Variants in BMAL1 observed in about 807,000 individuals in gnomAD.
BMAL1 encodes the protein basic helix-loop-helix ARNT-like protein 1.
chr11:13,369,559 C>G, the BMAL1 span: 3 of 1,597,078 alleles, frequency 1.9e-6, no homozygotes, highest in Non-Finnish European at 2.6e-6. Flanking sequence ...AGGTCACACT[C>G]CCCCTCCTGA....
At chr11:13,299,843 T>A in the BMAL1 span, among the ~76,000 whole-genome samples, 1 of 152,102 alleles carries the variant, frequency 6.6e-6, no homozygotes, top group African/African-American at 2.4e-5. Flanking sequence ...AGTGAGCAAA[T>A]CCCTCCTGCC....
At chr11:13,310,158 G>C in the BMAL1 span, 1 of 152,678 alleles carries the variant, frequency 6.5e-6, no homozygotes, top group Non-Finnish European at 1.5e-5. Flanking sequence ...CTCTGTGGAG[G>C]TTACCAGCCC....
At chr11:13,327,893 T>TCCACCCAGGGATCCCAGTTAACAATTTC in the BMAL1 span, among the ~76,000 whole-genome samples, 150,520 of 152,088 alleles carry the variant, frequency 0.99, 74,515 homozygotes, top group Middle Eastern at 1. Context: ...TTCCCTGAAG[T>TCCACCCAGGGATCCCAGTTAACAATTTC]TGATCTGGAA....
At chr11:13,319,267 T>C in the BMAL1 span, among the ~76,000 whole-genome samples, 1 of 152,254 alleles carries the variant, frequency 6.6e-6, no homozygotes, top group African/African-American at 2.4e-5. Flanking sequence ...ACTCAGGTTG[T>C]TTCTGACCTT....
the BMAL1 span, among the ~76,000 whole-genome samples, chr11:13,371,648 A>G: frequency 6.6e-6 from 1 of 152,230 alleles, no homozygotes. Context: ...CCTTAAAAAG[A>G]CAGACCAACA....
chr11:13,289,531 C>T, the BMAL1 span, among the ~76,000 whole-genome samples: 3 of 152,168 alleles, frequency 2.0e-5, no homozygotes, highest in East Asian at 5.8e-4. Context: ...ATCCCTCTCC[C>T]AGCCCCCCAG....
chr11:13,337,563 A>G, the BMAL1 span, among the ~76,000 whole-genome samples: 1 of 152,254 alleles, frequency 6.6e-6, no homozygotes, highest in Non-Finnish European at 1.5e-5. Context: ...ATTCAGATAT[A>G]CAGTGTACTG....
At chr11:13,367,706 G>GAAAAA in the BMAL1 span, among the ~76,000 whole-genome samples, 73 of 85,954 alleles carry the variant, frequency 8.5e-4, no homozygotes, top group African/African-American at 2.5e-3. Flanking sequence ...CTCTGTCTCA[G>GAAAAA]AAAAAAAAAA....
the BMAL1 span, among the ~76,000 whole-genome samples, chr11:13,277,460 C>T: frequency 2.6e-5 from 4 of 151,984 alleles, no homozygotes; most frequent in South Asian, 2.1e-4. Flanking sequence ...CGGATTGGTC[C>T]TCTCCTCGGG....
the BMAL1 span, among the ~76,000 whole-genome samples, chr11:13,351,550 C>G: frequency 6.6e-6 from 1 of 152,154 alleles, no homozygotes; most frequent in Admixed American, 6.5e-5. Context: ...GAAAGAATGA[C>G]ACTAGCTAGA....
chr11:13,372,815 A>C, the BMAL1 span, among the ~76,000 whole-genome samples: 1 of 152,192 alleles, frequency 6.6e-6, no homozygotes, highest in Non-Finnish European at 1.5e-5. Context: ...TGTTTCAAAA[A>C]AAAAGAGACA....
the BMAL1 span, among the ~76,000 whole-genome samples, chr11:13,295,058 G>T: frequency 6.6e-6 from 1 of 152,222 alleles, no homozygotes; most frequent in African/African-American, 2.4e-5. Flanking sequence ...GGCTAGGGGT[G>T]CTGAGCTGGC....
the BMAL1 span, among the ~76,000 whole-genome samples, chr11:13,292,240 T>TC: frequency 6.6e-6 from 1 of 152,276 alleles, no homozygotes; most frequent in African/African-American, 2.4e-5. Context: ...CTTTTTTTTT[T>TC]CACCCCTTTA....
the BMAL1 span, among the ~76,000 whole-genome samples, chr11:13,291,055 G>A: frequency 6.6e-6 from 1 of 152,186 alleles, no homozygotes. Flanking sequence ...GCCAGCTAGT[G>A]CATGTGGGTG....
chr11:13,302,695 A>G, the BMAL1 span, among the ~76,000 whole-genome samples: 4 of 152,172 alleles, frequency 2.6e-5, no homozygotes, highest in Admixed American at 6.5e-5. Context: ...TAAAAGGCAC[A>G]AAGTGATCTC....
At chr11:13,343,814 A>G in the BMAL1 span, among the ~76,000 whole-genome samples, 2 of 152,242 alleles carry the variant, frequency 1.3e-5, no homozygotes, top group South Asian at 2.1e-4. Context: ...TCCTCTATCA[A>G]CGATATTGGG....
chr11:13,280,758 T>A, the BMAL1 span, among the ~76,000 whole-genome samples: 1 of 152,218 alleles, frequency 6.6e-6, no homozygotes, highest in Admixed American at 6.5e-5. Context: ...CTTCTCCCTC[T>A]CATGAAATAA....
the BMAL1 span, among the ~76,000 whole-genome samples, chr11:13,350,962 T>G: frequency 6.0e-4 from 92 of 152,346 alleles, no homozygotes; most frequent in African/African-American, 1.8e-3. Flanking sequence ...GAGCACTTAG[T>G]ATGTACTAGA....
At chr11:13,361,769 C>A in the BMAL1 span, among the ~76,000 whole-genome samples, 1 of 152,134 alleles carries the variant, frequency 6.6e-6, no homozygotes, top group Admixed American at 6.5e-5. Flanking sequence ...GGTTCTTTGT[C>A]TTTGCACTCA....
Sources: allele counts gnomAD v4.1 joint callset (sites outside exome capture counted in the v4.1 genomes callset), GRCh38; gene constraint gnomAD v4.1.1; transcripts MANE v1.5; gene names NCBI Gene and HGNC (gene_info 2026-07-23, HGNC 2026-07-21).